SLK: variants seen among roughly 807,000 people sequenced by gnomAD.
The protein encoded by SLK is STE20-like serine/threonine-protein kinase.
Under a neutral mutation model 147.7 loss-of-function variants are expected in SLK, and 67 were observed. The ratio of observed to expected loss-of-function variants is 0.45; its 90% CI spans 0.37 to 0.56. The LOEUF (loss-of-function observed/expected upper bound fraction) is 0.56. Ranked by LOEUF, SLK falls within the 20% of genes least tolerant of loss-of-function variation. The probability of loss-of-function intolerance (pLI) is 0.00; values close to 1 mark genes in which losing one functional copy is unlikely to be tolerated. For missense variants in SLK, 1,136 were observed against 1,438.8 expected, an observed-to-expected ratio of 0.79 and a Z score of 3.41; for synonymous variants, 441 against 475.0, an observed-to-expected ratio of 0.93 and a Z score of 0.93.
rs527966785 is a variant in SLK at position 103,967,717 on chromosome 10, G to C, written c.-29G>C. 8 of 1,611,808 alleles carry C rather than the reference G, an allele frequency of 5.0e-6. No homozygotes were observed. The highest frequency in any genetic ancestry group is 2.2e-5 in the East Asian group (1 of 44,822). ...GCCTTTTATTGTTTTTAGTCCTTAAGTGCAAGGAACTCTGTGTTGGGAGGA... is the reference window on the plus strand; with the variant it reads ...GCCTTTTATTGTTTTTAGTCCTTAACTGCAAGGAACTCTGTGTTGGGAGGA... On this transcript the variant is annotated 5_prime_UTR_variant, in exon 1 of 19. Coordinates refer to ENST00000369755, the MANE Select transcript of SLK (RefSeq NM_014720.4).
At chr10:103,998,367 G>A (rs985457531) in intron 4 of SLK, among the ~76,000 whole-genome samples, 6 of 152,090 alleles carry the variant, frequency 3.9e-5, no homozygotes, top group Non-Finnish European at 7.4e-5. Context: ...GGCTGAAAAG[G>A]TGGGATTAAC....
chr10:103,968,367 G>T, intron 1 of SLK, among the ~76,000 whole-genome samples: 1 of 152,192 alleles, frequency 6.6e-6, no homozygotes, highest in East Asian at 1.9e-4. Flanking sequence ...CAAAGTGATT[G>T]CTACTTGCAG....
chr10:104,022,181 A>C (rs911832437), intron 18 of SLK, among the ~76,000 whole-genome samples: 1 of 151,984 alleles, frequency 6.6e-6, no homozygotes, highest in African/African-American at 2.4e-5. Flanking sequence ...CTGACATTGG[A>C]GTATGAGAGG....
At chr10:104,021,572 A>G in intron 17 of SLK, 48 bp from the exon 18 acceptor site, 1 of 956,368 alleles carries the variant, frequency 1.0e-6, no homozygotes, top group Non-Finnish European at 1.7e-6. Flanking sequence ...TTTGTGAAAA[A>G]TTGCTTAGTT....
chr10:103,990,725 T>C lies in SLK; in HGVS notation c.201T>C (p.Thr67=). 6.4e-7 allele frequency: 1 copy of C among 1,573,522 alleles called. No individual in the cohort carries two copies. The highest frequency in any genetic ancestry group is 8.6e-7 in the Non-Finnish European group (1 of 1,162,758). Reference sequence around the variant, plus strand: ...TAGCTGCTGCAAAAGTGATTGACACTAAATCTGAAGAAGAACTTGAAGATT... The same window carrying C: ...TAGCTGCTGCAAAAGTGATTGACACCAAATCTGAAGAAGAACTTGAAGATT... The part of the protein sequence containing the change: ...SVLAAAKVID[T]KSEEELEDYM... The change falls in exon 2 of 19, where the codon ACT becomes ACC. Residue 67 remains threonine, a synonymous_variant. Coordinates refer to ENST00000369755, the MANE Select transcript of SLK (RefSeq NM_014720.4).
chr10:104,005,626 G>T lies in SLK; in HGVS notation c.2415G>T (p.Val805=), dbSNP rs897584302. 2 of 1,607,708 alleles carry T rather than the reference G, an allele frequency of 1.2e-6. No homozygotes were observed. The highest frequency in any genetic ancestry group is 2.7e-5 in the African/African-American group (2 of 74,716). ...TRKFIVDGVE[V]SVTTSKIVTD... is the part of the protein sequence containing the mutation. ...AATTTATTGTTGATGGTGTAGAAGT[G>T]AGTGTAACAACATCAAAGATAGTTA... The change falls in exon 10 of 19, where the codon GTG becomes GTT. Residue 805 remains valine, a synonymous_variant. Coordinates refer to ENST00000369755, the MANE Select transcript of SLK (RefSeq NM_014720.4).
intron 14 of SLK, 35 bp downstream of exon 14, chr10:104,018,324 GTAGAAT>G (rs772432982): frequency 6.4e-7 from 1 of 1,574,318 alleles, no homozygotes; most frequent in Non-Finnish European, 8.6e-7. Context: ...ACTGCAAAAT[GTAGAAT>G]TCCTTATGAC....
chr10:104,012,345 C>G (rs1327425741), intron 13 of SLK, among the ~76,000 whole-genome samples: 1 of 152,034 alleles, frequency 6.6e-6, no homozygotes, highest in Non-Finnish European at 1.5e-5. Context: ...TTAAATAAAA[C>G]TAGCTTGTCT....
At chr10:103,984,410 C>G (rs188229852) in intron 1 of SLK, among the ~76,000 whole-genome samples, 1 of 151,990 alleles carries the variant, frequency 6.6e-6, no homozygotes, top group Non-Finnish European at 1.5e-5. Flanking sequence ...ACCCCATTTC[C>G]TCATCTTATT....
Position 104,023,184 on chromosome 10 carries a change from A to G in SLK, c.3561+1451A>G, listed in dbSNP as rs529198224. Among the ~76,000 whole-genome samples the G allele has an allele frequency of 5.3e-5, 8 of 152,300 alleles. No individual in the cohort carries two copies. The South Asian group carries it at 1.7e-3, about 32-fold the overall frequency. ...TCTCCTCTCACCTGGCTTTTGTGAC[A>G]CAGCTCTGCTCATTCTCTGTGTTCT... On this transcript the variant is annotated intron_variant, in intron 18 of 18. Transcript: ENST00000369755.
chr10:103,988,986 C>G (rs546822194), intron 1 of SLK, among the ~76,000 whole-genome samples: 2 of 152,142 alleles, frequency 1.3e-5, no homozygotes, highest in African/African-American at 4.8e-5. Context: ...AATGCTGTCC[C>G]CTATGTATAT....
In SLK at chr10:104,026,690, A is replaced by T. The variant is rs374733105; in HGVS notation, c.*970A>T. ...GTCAGAGGCCTGCAGGCTGTGAGTT[A>T]TATTTATAAATATATCTTCAGAAAT... On this transcript the variant is annotated 3_prime_UTR_variant, in exon 19 of 19. Transcript: ENST00000369755. 1 of 152,226 alleles carries T rather than the reference A, an allele frequency of 6.6e-6. No homozygotes were observed. The highest frequency in any genetic ancestry group is 1.5e-5 in the Non-Finnish European group (1 of 68,026). The allele number at this position is 152,226 out of a possible 1,614,324, so 9.4% of individuals were successfully genotyped here.
At chr10:104,007,709 T>C (rs1460859520) in intron 11 of SLK, among the ~76,000 whole-genome samples, 1 of 151,352 alleles carries the variant, frequency 6.6e-6, no homozygotes, top group Non-Finnish European at 1.5e-5. Flanking sequence ...AGCAGGAGGA[T>C]TGCTTGAGCG....
chr10:103,990,896 A>G, intron 2 of SLK, 57 bp downstream of exon 2: 1 of 1,092,510 alleles, frequency 9.2e-7, no homozygotes, highest in Non-Finnish European at 1.2e-6. Context: ...TGTCCTAAAG[A>G]GATGTTTATG....
At chr10:104,002,028 A>T in intron 8 of SLK, 144 bp from the exon 9 acceptor site, 2 of 693,476 alleles carry the variant, frequency 2.9e-6, no homozygotes, top group Non-Finnish European at 4.5e-6. Context: ...TTTTTGTTAT[A>T]TTTCTTGTGA....
chr10:104,025,777 A>C lies in SLK; in HGVS notation c.*57A>C, dbSNP rs1449982050. On this transcript the variant is annotated 3_prime_UTR_variant, in exon 19 of 19. Coordinates refer to ENST00000369755, the MANE Select transcript of SLK (RefSeq NM_014720.4). ...TCTTTCAGTATGTCATTCTGTTCTC[A>C]TCTTCTGCCACAGTCTCTCAGATAG... 3 of 1,471,798 alleles carry C rather than the reference A, an allele frequency of 2.0e-6. No homozygotes were observed. Among genetic ancestry groups the C allele is most frequent in the Non-Finnish European group, 2.8e-6 (3 of 1,061,594 alleles). The allele number at this position is 1,471,798 out of a possible 1,614,324, so 91.2% of individuals were successfully genotyped here.
chr10:104,011,538 G>A (rs952742850), intron 13 of SLK, among the ~76,000 whole-genome samples: 6 of 151,382 alleles, frequency 4.0e-5, no homozygotes, highest in African/African-American at 1.5e-4. Flanking sequence ...ATAAAGTTAA[G>A]CCTTGTCATA....
chr10:104,010,931 A>G (rs1476057793), intron 13 of SLK, 23 bp downstream of exon 13: 10 of 1,480,544 alleles, frequency 6.8e-6, no homozygotes, highest in Non-Finnish European at 9.1e-6. Flanking sequence ...GCTTAATGCT[A>G]CTAAAACCAG....
chr10:103,999,242 A>G lies in SLK; in HGVS notation c.711A>G (p.Glu237=), dbSNP rs954348848. 3.7e-6 allele frequency: 6 copies of G among 1,613,728 alleles called. No homozygotes were observed. In the African/African-American group the frequency reaches 5.3e-5, roughly 14 times the overall value. Residue 237 remains glutamate (E), a synonymous_variant, in exon 6 of 19, where the codon GAA becomes GAG. Coordinates refer to ENST00000369755, the MANE Select transcript of SLK (RefSeq NM_014720.4). ...EMAEIEPPHH[E]LNPMRVLLKI... ...CTGAGATAGAACCACCTCATCATGAATTAAATCCAATGCGAGTGCTGCTAA... is the reference window on the plus strand; with the variant it reads ...CTGAGATAGAACCACCTCATCATGAGTTAAATCCAATGCGAGTGCTGCTAA...
Sources: gnomAD v4.1 joint callset for allele counts (sites outside exome capture counted in the v4.1 genomes callset) on GRCh38, gnomAD v4.1.1 for gene constraint, MANE v1.5 for transcripts, NCBI Gene and HGNC (gene_info 2026-07-23, HGNC 2026-07-21) for gene names.